SUSD4: variants seen among roughly 807,000 people sequenced by gnomAD.
SUSD4 encodes the protein sushi domain containing 4.
A neutral mutation model predicts 50.5 loss-of-function variants in SUSD4; 41 were observed. That is an observed-to-expected ratio of 0.81 (90% CI 0.63 to 1.05). SUSD4 has a LOEUF of 1.05. Ranked by LOEUF, SUSD4 falls within the 50% of genes least tolerant of loss-of-function variation. The pLI, the probability that SUSD4 is intolerant of heterozygous loss-of-function variation, is 0.00. For synonymous variants in SUSD4, 257 were observed against 257.3 expected (o/e 1.00, Z 0.01); for missense variants, 580 against 634.7 (o/e 0.91, Z 0.93).
At chr1:223,311,639 T>C (rs1364141496) in intron 2 of SUSD4, among the ~76,000 whole-genome samples, 1 of 152,178 alleles carries the variant, frequency 6.6e-6, no homozygotes, top group East Asian at 1.9e-4. Flanking sequence ...AAGAAAAAAA[T>C]TGCAAACAGA....
intron 2 of SUSD4, among the ~76,000 whole-genome samples, chr1:223,317,916 T>A (rs1361875153): frequency 8.3e-6 from 1 of 119,928 alleles, no homozygotes. Context: ...TGCAGGTTAG[T>A]TACATATGTA....
chr1:223,284,922 A>T (rs966195797), intron 3 of SUSD4, among the ~76,000 whole-genome samples: 5 of 152,182 alleles, frequency 3.3e-5, no homozygotes, highest in Admixed American at 1.3e-4. Flanking sequence ...GATAGATAGG[A>T]GGAATAAGTT....
chr1:223,270,562 C>T (rs896683624), intron 3 of SUSD4, among the ~76,000 whole-genome samples: 4 of 152,118 alleles, frequency 2.6e-5, no homozygotes, highest in East Asian at 1.9e-4. Context: ...TTTCAGGCCG[C>T]GAAAAGGGGT....
At chr1:223,329,069 C>T (rs995856535) in intron 2 of SUSD4, among the ~76,000 whole-genome samples, 6 of 152,172 alleles carry the variant, frequency 3.9e-5, no homozygotes, top group African/African-American at 9.7e-5. Context: ...AAGACTCAGA[C>T]ATCCTACTGC....
rs1659172576 is a variant in SUSD4, at chr1:223,222,189, A to G, written c.*3T>C. ...AGGAGAGTCATCTGGATCTTGACCC[A>G]TATTAGGGATCTTCTTCCATTAGAG... On this transcript the variant is annotated 3_prime_UTR_variant, in exon 9 of 9. Transcript: ENST00000366878. The G allele has an allele frequency of 1.2e-6, 2 of 1,613,768 alleles. No homozygotes were observed. The highest frequency in any genetic ancestry group is 8.5e-7 in the Non-Finnish European group (1 of 1,179,838).
At chr1:223,297,662 C>G (rs775003528) in intron 2 of SUSD4, among the ~76,000 whole-genome samples, 1 of 152,154 alleles carries the variant, frequency 6.6e-6, no homozygotes. Context: ...GAATAGGAGG[C>G]CTCTCTTCTC....
chr1:223,241,146 G>A (rs1660552878), intron 5 of SUSD4, among the ~76,000 whole-genome samples: 1 of 152,208 alleles, frequency 6.6e-6, no homozygotes, highest in African/African-American at 2.4e-5. Flanking sequence ...AGTTTTGGCT[G>A]TGGTTAGCAA....
At chr1:223,316,085 A>G (rs1193739613) in intron 2 of SUSD4, among the ~76,000 whole-genome samples, 2 of 152,186 alleles carry the variant, frequency 1.3e-5, no homozygotes, top group Admixed American at 6.5e-5. Context: ...AAAGCCTGCA[A>G]GGAAGGGCAC....
At chr1:223,338,032 T>C (rs1466483929) in intron 2 of SUSD4, among the ~76,000 whole-genome samples, 1 of 152,222 alleles carries the variant, frequency 6.6e-6, no homozygotes, top group African/African-American at 2.4e-5. Context: ...ATAGTACATT[T>C]ATCCAGGACA....
intron 2 of SUSD4, among the ~76,000 whole-genome samples, chr1:223,304,042 G>A (rs767337778): frequency 1.3e-5 from 2 of 152,222 alleles, no homozygotes; most frequent in Non-Finnish European, 2.9e-5. Context: ...TCAGAAGGGA[G>A]TATGTCTTAA....
intron 2 of SUSD4, among the ~76,000 whole-genome samples, chr1:223,311,010 G>A (rs774198682): frequency 6.6e-6 from 1 of 152,192 alleles, no homozygotes; most frequent in Non-Finnish European, 1.5e-5. Context: ...CCAAGACTCT[G>A]AAGGTCTGCA....
rs775011092 is a variant in SUSD4 at position 223,235,117 on chromosome 1, T to C, written c.725-5729A>G. On this transcript the variant is annotated intron_variant, in intron 5 of 8. Transcript: ENST00000366878. The stretch of plus-strand genomic sequence containing the variant: ...GTCTTCCTCCTGAAAAAAAGAAGTG[T>C]AAATATGAAAACATAAGAAGACTAT... The C allele has an allele frequency of 8.8e-6, 14 of 1,586,624 alleles. No homozygotes were observed. In the Admixed American group the frequency reaches 2.7e-4, roughly 31 times the overall value.
At chr1:223,319,741 C>T (rs376757286) in intron 2 of SUSD4, among the ~76,000 whole-genome samples, 3 of 152,194 alleles carry the variant, frequency 2.0e-5, no homozygotes, top group African/African-American at 7.2e-5. Flanking sequence ...TTTTAATCCA[C>T]GGTTTCTTTA....
intron 2 of SUSD4, among the ~76,000 whole-genome samples, chr1:223,308,852 T>A (rs1665708205): frequency 6.6e-6 from 1 of 152,154 alleles, no homozygotes; most frequent in African/African-American, 2.4e-5. Context: ...TGGAATGGCA[T>A]CTTGACCTGA....
At chr1:223,238,456 C>A (rs1439766193) in intron 5 of SUSD4, among the ~76,000 whole-genome samples, 1 of 151,902 alleles carries the variant, frequency 6.6e-6, no homozygotes, top group East Asian at 1.9e-4. Context: ...TTAGATCTTT[C>A]TTCTTTTCTA....
In SUSD4 at chr1:223,221,188, A is replaced by G. The variant is rs1468716142; in HGVS notation, c.*1004T>C. The G allele has an allele frequency of 5.0e-6, 2 of 400,460 alleles. No homozygotes were observed. The highest frequency in any genetic ancestry group is 4.1e-5 in the African/African-American group (2 of 48,694). 24.8% of individuals were successfully genotyped at this position (400,460 alleles called of 1,614,324 possible). A position where few individuals can be genotyped will look rare whatever the true frequency, so the allele number is the denominator to read the frequency against. ...GACAAATAAAAGGGGGAAAAATCCA[A>G]CCTCACACTTCTTTTGAAGGTCGGA... On this transcript the variant is annotated 3_prime_UTR_variant, in exon 9 of 9. Coordinates refer to ENST00000366878, the MANE Select transcript of SUSD4 (RefSeq NM_017982.4).
At chr1:223,273,982 T>A (rs974532955) in intron 3 of SUSD4, among the ~76,000 whole-genome samples, 3 of 152,248 alleles carry the variant, frequency 2.0e-5, no homozygotes, top group African/African-American at 7.2e-5. Context: ...TCCTAGTGAA[T>A]TTTTGAACCT....
chr1:223,281,328 C>G (rs531415535), intron 3 of SUSD4, among the ~76,000 whole-genome samples: 5 of 152,112 alleles, frequency 3.3e-5, no homozygotes, highest in South Asian at 2.1e-4. Flanking sequence ...CAACAAAATT[C>G]ATAGACTGCT....
rs1296698228 is a variant in SUSD4, at chr1:223,316,041, CATG to C, written c.149-23393_149-23391del. Among the ~76,000 whole-genome samples, 8 of 152,270 alleles carry C rather than the reference CATG, an allele frequency of 5.3e-5. No individual in the cohort carries two copies. The East Asian group carries it at 1.5e-3, about 29-fold the overall frequency. ...ACAAGTGTTGAGAAGCTCTGCCACC[CATG>C]GAAAGTGGCTCAGATGTGAGACCTG... On this transcript the variant is annotated intron_variant, in intron 2 of 8. Transcript: ENST00000366878.
Sources: gnomAD v4.1 joint callset for allele counts (sites outside exome capture counted in the v4.1 genomes callset) on GRCh38, gnomAD v4.1.1 for gene constraint, MANE v1.5 for transcripts, NCBI Gene and HGNC (gene_info 2026-07-23, HGNC 2026-07-21) for gene names.